KIFAP3: variants seen among roughly 807,000 people sequenced by gnomAD.
KIFAP3 encodes kinesin associated protein 3, also known as kinesin-associated protein 3.
A neutral mutation model predicts 106.5 loss-of-function variants in KIFAP3; 68 were observed. The observed-to-expected ratio is 0.64, with a 90% confidence interval of 0.53 to 0.78. The LOEUF is 0.78. KIFAP3 is among the 30% of genes least tolerant of loss of function. The probability of loss-of-function intolerance (pLI) is 0.00; values close to 1 mark genes in which losing one functional copy is unlikely to be tolerated. For synonymous variants in KIFAP3, 320 were observed against 311.5 expected, an observed-to-expected ratio of 1.03 and a Z score of -0.29; for missense variants, 780 against 941.8, an observed-to-expected ratio of 0.83 and a Z score of 2.25.
At chr1:169,924,978 A>G (rs1663055733) in intron 19 of KIFAP3, among the ~76,000 whole-genome samples, 1 of 152,214 alleles carries the variant, frequency 6.6e-6, no homozygotes, top group African/African-American at 2.4e-5. Flanking sequence ...AAGCTGTGAC[A>G]TGCCACATCT....
intron 16 of KIFAP3, among the ~76,000 whole-genome samples, chr1:169,973,105 G>GTGTGTGTATATATATATATATATATA (rs145406203): frequency 3.3e-5 from 3 of 90,312 alleles, no homozygotes; most frequent in African/African-American, 1.4e-4. Flanking sequence ...AAAATAGTGT[G>GTGTGTGTATATATATATATATATATA]TATATATATA....
At chr1:170,074,087 T>A (rs1671818899) in intron 1 of KIFAP3, among the ~76,000 whole-genome samples, 1 of 151,916 alleles carries the variant, frequency 6.6e-6, no homozygotes, top group Non-Finnish European at 1.5e-5. Flanking sequence ...CTCATGGGAT[T>A]TATCTATTAT....
chr1:170,080,944 C>T (rs1469456507), intron 1 of KIFAP3, among the ~76,000 whole-genome samples: 1 of 152,082 alleles, frequency 6.6e-6, no homozygotes, highest in African/African-American at 2.4e-5. Flanking sequence ...TTACTCTCTT[C>T]CATTTTTAAT....
At chr1:170,074,267 T>C (rs184542944) in intron 1 of KIFAP3, among the ~76,000 whole-genome samples, 169 bp downstream of exon 1, 13 of 152,194 alleles carry the variant, frequency 8.5e-5, no homozygotes, top group African/African-American at 2.9e-4. Context: ...CCCCCAGAGC[T>C]CTCCTTTTTT....
At chr1:170,002,897 C>CT (rs921561266) in intron 10 of KIFAP3, among the ~76,000 whole-genome samples, 4 of 152,154 alleles carry the variant, frequency 2.6e-5, no homozygotes, top group Admixed American at 1.3e-4. Context: ...TATAAATGAG[C>CT]TAAGGAGGTA....
upstream of KIFAP3, among the ~76,000 whole-genome samples, chr1:170,076,018 A>G (rs1186955818): frequency 2.0e-5 from 3 of 152,214 alleles, no homozygotes; most frequent in Non-Finnish European, 4.4e-5. Flanking sequence ...TTACTTTAAA[A>G]TCTTCACAAT....
chr1:170,019,689 A>G (rs552525054), intron 9 of KIFAP3, among the ~76,000 whole-genome samples: 3 of 152,164 alleles, frequency 2.0e-5, no homozygotes, highest in Non-Finnish European at 2.9e-5. Context: ...GAACTTCCTT[A>G]AACTGATAGC....
chr1:170,060,193 T>C (rs929669800), intron 1 of KIFAP3, among the ~76,000 whole-genome samples: 2 of 151,778 alleles, frequency 1.3e-5, no homozygotes, highest in African/African-American at 4.8e-5. Flanking sequence ...AAAAAAAGGG[T>C]ATTCAATTAG....
At chr1:170,079,101 A>G (rs1671974359), upstream of KIFAP3, among the ~76,000 whole-genome samples, 1 of 152,114 alleles carries the variant, frequency 6.6e-6, no homozygotes, top group Non-Finnish European at 1.5e-5. Flanking sequence ...CTAATGGGAG[A>G]TGTTTGGGTG....
intron 11 of KIFAP3, among the ~76,000 whole-genome samples, chr1:169,988,708 G>C (rs1012832794): frequency 6.6e-6 from 1 of 151,892 alleles, no homozygotes; most frequent in Non-Finnish European, 1.5e-5. Flanking sequence ...TGTTTTCCAT[G>C]ATTCTTTTAT....
At chr1:169,964,753 A>G (rs908778088) in intron 17 of KIFAP3, among the ~76,000 whole-genome samples, 2 of 152,180 alleles carry the variant, frequency 1.3e-5, no homozygotes, top group Non-Finnish European at 2.9e-5. Flanking sequence ...ATACCAAGCG[A>G]TACCTCATTA....
At chr1:169,996,479 A>G (rs1321614775) in intron 10 of KIFAP3, among the ~76,000 whole-genome samples, 1 of 152,160 alleles carries the variant, frequency 6.6e-6, no homozygotes, top group African/African-American at 2.4e-5. Context: ...TGTTCAACAT[A>G]GTTTTTCTCA....
intron 10 of KIFAP3, among the ~76,000 whole-genome samples, chr1:169,995,856 TAAAAG>T (rs1230609484): frequency 1.3e-5 from 2 of 151,980 alleles, no homozygotes; most frequent in Non-Finnish European, 2.9e-5. Context: ...TTAAAATAAA[TAAAAG>T]AATAACAAGG....
At chr1:170,034,757 T>C (rs1232636359) in intron 6 of KIFAP3, among the ~76,000 whole-genome samples, 1 of 151,928 alleles carries the variant, frequency 6.6e-6, no homozygotes, top group Admixed American at 6.6e-5. Flanking sequence ...CCATATTAAC[T>C]ACTCAGATAT....
chr1:170,039,241 CT>C lies in KIFAP3; in HGVS notation c.366del (p.Gly123GlufsTer33). On this transcript the variant is annotated frameshift_variant, in exon 4 of 20. Coordinates refer to ENST00000361580, the MANE Select transcript of KIFAP3 (RefSeq NM_014970.4). LOFTEE classifies it high-confidence loss of function. ...AATGCATGCAGTCTTACCTCCATTC[CT>C]TCAAAAGGAGGTGGATCTTTAGGCT... ...SSKPKDPPPF[E>X]GMEIDEVANI... The C allele has an allele frequency of 6.3e-7, 1 of 1,598,408 alleles. No individual in the cohort carries two copies. Among genetic ancestry groups the C allele is most frequent in the Admixed American group, 1.7e-5 (1 of 59,230 alleles).
chr1:169,949,050 A>G (rs1354500079), intron 19 of KIFAP3, among the ~76,000 whole-genome samples: 4 of 152,096 alleles, frequency 2.6e-5, no homozygotes, highest in African/African-American at 9.6e-5. Context: ...AATTTGGGTA[A>G]AAGATTATTT....
chr1:169,988,499 C>T (rs1666948760), intron 11 of KIFAP3, among the ~76,000 whole-genome samples: 1 of 151,842 alleles, frequency 6.6e-6, no homozygotes, highest in African/African-American at 2.4e-5. Flanking sequence ...TACAAACGAA[C>T]AGAATATTAT....
At chr1:170,084,651 A>G (rs1382849875) in intron 1 of KIFAP3, among the ~76,000 whole-genome samples, 1 of 152,220 alleles carries the variant, frequency 6.6e-6, no homozygotes, top group Non-Finnish European at 1.5e-5. Flanking sequence ...GAAAGGCAAT[A>G]GTACATACAA....
At chr1:169,981,253 T>C (rs541742672) in intron 15 of KIFAP3, among the ~76,000 whole-genome samples, 1 of 152,328 alleles carries the variant, frequency 6.6e-6, no homozygotes, top group Admixed American at 6.5e-5. Flanking sequence ...AAATAATTCA[T>C]AAGTTTTAAA....
Sources: gnomAD v4.1 joint callset for allele counts (sites outside exome capture counted in the v4.1 genomes callset) on GRCh38, gnomAD v4.1.1 for gene constraint, MANE v1.5 for transcripts, NCBI Gene and HGNC (gene_info 2026-07-23, HGNC 2026-07-21) for gene names.